PRKDC: variants seen among roughly 807,000 people sequenced by gnomAD.
PRKDC encodes protein kinase, DNA-activated, catalytic subunit, also known as DNA-dependent protein kinase catalytic subunit.
In PRKDC, 82 loss-of-function variants were observed where a neutral mutation model predicts 486.9. The observed-to-expected ratio is 0.17, with a 90% CI of 0.14 to 0.20. The LOEUF (loss-of-function observed/expected upper bound fraction) is 0.20. Among genes scored for constraint, PRKDC ranks in the 10% least tolerant of loss-of-function variants. The pLI, the probability that PRKDC is intolerant of heterozygous loss-of-function variation, is 1.00. For synonymous variants in PRKDC, 1,895 were observed against 1,837.0 expected (o/e 1.03, Z -0.81); for missense variants, 4,504 against 5,038.2 (o/e 0.89, Z 3.21).
At chr8:47,921,358 A>G (rs1301697922) in intron 21 of PRKDC, among the ~76,000 whole-genome samples, 1 of 152,240 alleles carries the variant, frequency 6.6e-6, no homozygotes. Context: ...TACGTTGTGC[A>G]GCATGCCAAC....
intron 57 of PRKDC, 26 bp downstream of exon 57, chr8:47,837,186 T>A (rs556624073): frequency 1.3e-6 from 2 of 1,581,498 alleles, no homozygotes; most frequent in Non-Finnish European, 1.7e-6. Context: ...TAATATTCAC[T>A]ACTATGAGAG....
At position 47,858,619 on chromosome 8, in the gene PRKDC, T is replaced by C. The variant is rs2088599092; in HGVS notation, c.6362A>G (p.Asp2121Gly). The change falls in exon 48 of 86, where the codon GAT (aspartate) becomes GGT (glycine). Residue 2121 changes from aspartate (D) to glycine (G), a missense_variant. Asp to Gly is a moderately conservative substitution (Grantham distance 94, BLOSUM62 -1). Around this residue, in one of 6 missense-constraint regions of PRKDC, gnomAD observed 1,592 missense variants for 1,724.6 expected, o/e 0.92. Transcript: ENST00000314191. Reference protein sequence around the residue: ...PQGEEDSVPRDLPSWMKFLHG... With the variant: ...PQGEEDSVPRGLPSWMKFLHG... ...GAGGAATTTCATCCAAGAAGGAAGA[T>C]CTCTTGGCACTGAATCCTAAAATAA... 2 of 1,541,742 alleles carry C rather than the reference T, an allele frequency of 1.3e-6. No homozygotes were observed. Among genetic ancestry groups the C allele is most frequent in the Non-Finnish European group, 1.7e-6 (2 of 1,145,150 alleles).
intron 19 of PRKDC, 100 bp downstream of exon 19, chr8:47,928,992 A>G: frequency 9.8e-7 from 1 of 1,015,458 alleles, no homozygotes; most frequent in South Asian, 1.5e-5. Context: ...ACCCAGCCCC[A>G]ATTCTTAAAA....
chr8:47,948,838 A>T (rs1414361933), intron 7 of PRKDC, among the ~76,000 whole-genome samples: 1 of 152,236 alleles, frequency 6.6e-6, no homozygotes, highest in Non-Finnish European at 1.5e-5. Flanking sequence ...TCACAAAAAA[A>T]GTATAAATTT....
chr8:47,929,219 C>A, intron 18 of PRKDC, 41 bp from the exon 19 acceptor site: 2 of 1,358,900 alleles, frequency 1.5e-6, no homozygotes, highest in South Asian at 1.3e-5. Flanking sequence ...GAACAAGAAT[C>A]GGGAGACTGT....
At position 47,814,159 on chromosome 8, in the gene PRKDC, G is replaced by C. The variant is rs971976797; in HGVS notation, c.9557+3291C>G. On this transcript the variant is annotated intron_variant, in intron 68 of 85. Coordinates refer to ENST00000314191, the MANE Select transcript of PRKDC (RefSeq NM_006904.7). ...TTAAGCTGTTGCAGAAAAAGTGTTT[G>C]ATAAAATTCGACATTCATTCATGAT... 2.6e-5 allele frequency among the ~76,000 whole-genome samples: 4 copies of C among 152,248 alleles called. No individual in the cohort carries two copies. In the South Asian group the frequency reaches 8.3e-4, roughly 32 times the overall value.
chr8:47,906,137 C>G (rs28475720), intron 25 of PRKDC, among the ~76,000 whole-genome samples: 141 of 152,266 alleles, frequency 9.3e-4, no homozygotes, highest in African/African-American at 2.8e-3. Context: ...CTTTTGAAGC[C>G]ACTTCAAGAC....
Position 47,893,340 on chromosome 8 carries a change from C to A in PRKDC, c.3646G>T (p.Gly1216Cys), listed in dbSNP as rs1400841199. Residue 1216 changes from glycine (G) to cysteine (C), a missense_variant, in exon 31 of 86, where the codon GGT becomes TGT. Physicochemically the swap from Gly to Cys is radical, Grantham distance 159. Coordinates refer to ENST00000314191, the MANE Select transcript of PRKDC (RefSeq NM_006904.7). Reference protein sequence around the residue: ...LWLKDVLKEEGVSFLINTFEG... With the variant: ...LWLKDVLKEECVSFLINTFEG... ...AAGGTGTTGATGAGAAAAGAGACAC[C>A]TTCTTCCTTGAGAACATCTTTCAGC... is the stretch of plus-strand genomic sequence containing the variant. 1 of 1,570,396 alleles carries A rather than the reference C, an allele frequency of 6.4e-7. No individual in the cohort carries two copies. Among genetic ancestry groups the A allele is most frequent in the Non-Finnish European group, 8.7e-7 (1 of 1,151,872 alleles).
chr8:47,803,509 G>A, intron 69 of PRKDC, 29 bp from the exon 70 acceptor site: 2 of 1,607,772 alleles, frequency 1.2e-6, no homozygotes, highest in African/African-American at 1.3e-5. Context: ...AAGAGAGAAG[G>A]TGGTATGATG....
In PRKDC at chr8:47,820,743, T is replaced by C. The variant is rs2087573263; in HGVS notation, c.9312A>G (p.Gln3104=). 1 of 1,570,558 alleles carries C rather than the reference T, an allele frequency of 6.4e-7. No homozygotes were observed. Among genetic ancestry groups the C allele is most frequent in the African/African-American group, 1.4e-5 (1 of 73,932 alleles). The part of the protein sequence containing the change: ...DDVDRAKYYI[Q]NGIQSFMQNY... ...CCTGCATAAAACTCTGAATGCCATT[T>C]TGAATGTAATATTTGGCTCTGTCAA... Residue 3104 remains glutamine (Q), a synonymous_variant, in exon 66 of 86, where the codon CAA becomes CAG. Transcript: ENST00000314191.
intron 49 of PRKDC, 111 bp from the exon 50 acceptor site, chr8:47,855,484 C>G: frequency 8.7e-7 from 1 of 1,144,888 alleles, no homozygotes; most frequent in South Asian, 1.7e-5. Flanking sequence ...GAGTCCGGCT[C>G]CTGTTGAAAG....
At chr8:47,826,037 C>G (rs1165182109) in intron 63 of PRKDC, among the ~76,000 whole-genome samples, 1 of 152,162 alleles carries the variant, frequency 6.6e-6, no homozygotes, top group African/African-American at 2.4e-5. Context: ...CACAAGGATC[C>G]CCTCCCTTAC....
chr8:47,774,143 AT>A lies in PRKDC; in HGVS notation c.*29del. 6.5e-7 allele frequency: 1 copy of A among 1,545,474 alleles called. No homozygotes were observed. Among genetic ancestry groups the A allele is most frequent in the Non-Finnish European group, 8.7e-7 (1 of 1,143,982 alleles). On this transcript the variant is annotated 3_prime_UTR_variant, in exon 86 of 86. Transcript: ENST00000314191. ...TATAGTAGATTCTTTAAACAATGTAATGCTTTCTATCTGCAGACTCCCACAG... is the reference window on the plus strand; with the variant it reads ...TATAGTAGATTCTTTAAACAATGTAAGCTTTCTATCTGCAGACTCCCACAG...
At chr8:47,834,417 G>C (rs370621984) in intron 58 of PRKDC, 21 bp from the exon 59 acceptor site, 25 of 1,610,586 alleles carry the variant, frequency 1.6e-5, no homozygotes, top group Non-Finnish European at 1.9e-5. Context: ...CAATCAGAGA[G>C]GTCAGGCACT....
intron 20 of PRKDC, 61 bp from the exon 21 acceptor site, chr8:47,927,414 A>C (rs2090172426): frequency 2.0e-6 from 3 of 1,510,206 alleles, no homozygotes; most frequent in Non-Finnish European, 2.7e-6. Context: ...TAGAGGAAAA[A>C]AACACCAAGT....
chr8:47,927,777 T>C lies in PRKDC; in HGVS notation c.2253A>G (p.Ala751=), dbSNP rs771383610. 1 of 1,554,740 alleles carries C rather than the reference T, an allele frequency of 6.4e-7. No individual in the cohort carries two copies. The highest frequency in any genetic ancestry group is 2.0e-5 in the Admixed American group (1 of 48,878). Residue 751 remains alanine (A), a synonymous_variant, in exon 20 of 86, where the codon GCA becomes GCG. Transcript: ENST00000314191. ...IELDVRAYVP[A]LQMAFKLGLS... ...TGTTCAAGACAACGCCTACCTGCAG[T>C]GCAGGAACGTAGGCTCTAACATCGA...
At position 47,774,376 on chromosome 8, in the gene PRKDC, C is replaced by T. The variant is rs2154497178; in HGVS notation, c.12184G>A (p.Asp4062Asn). 1 of 1,611,138 alleles carries T rather than the reference C, an allele frequency of 6.2e-7. No homozygotes were observed. The highest frequency in any genetic ancestry group is 1.3e-5 in the African/African-American group (1 of 74,906). ...TTCTCATGACCCAGGAGTAGCTCAT[C>T]ACTGGAAAAAAAACAAACACAGAAA... ...AGANPAVITC[D>N]ELLLGHEKAP... Residue 4062 changes from aspartate (D) to asparagine (N), a missense_variant and splice_region_variant, in exon 86 of 86, where the codon GAT becomes AAT. Transcript: ENST00000314191.
intron 15 of PRKDC, 90 bp from the exon 16 acceptor site, chr8:47,933,262 G>T (rs1017883977): frequency 4.7e-6 from 5 of 1,072,372 alleles, no homozygotes; most frequent in Admixed American, 4.0e-5. Flanking sequence ...ACAGATGTAT[G>T]TGCCGGTTTG....
rs377577285 is a variant in PRKDC at position 47,903,703 on chromosome 8, T to C, written c.3043-908A>G. 3.8e-3 allele frequency among the ~76,000 whole-genome samples: 583 copies of C among 152,348 alleles called. 4 individuals are homozygous for C. Among genetic ancestry groups the C allele is most frequent in the South Asian group, 0.025 (120 of 4,822 alleles). On this transcript the variant is annotated intron_variant, in intron 26 of 85. Transcript: ENST00000314191. Reference sequence around the variant, plus strand: ...TTCCTCAACTATCTCGTTTTACTTATCAGATTTCTTTCTTAATCTCTTACT... The same window carrying C: ...TTCCTCAACTATCTCGTTTTACTTACCAGATTTCTTTCTTAATCTCTTACT...
Sources: allele counts gnomAD v4.1 joint callset (sites outside exome capture counted in the v4.1 genomes callset), GRCh38; gene constraint gnomAD v4.1.1; regional missense constraint gnomAD v4.1.1; transcripts MANE v1.5; gene names NCBI Gene and HGNC (gene_info 2026-07-23, HGNC 2026-07-21).